The following NR2F6 variants were observed in gnomAD, a reference collection of about 807,000 sequenced individuals.
The protein encoded by NR2F6 is nuclear receptor subfamily 2 group F member 6.
Under a neutral mutation model 26.5 loss-of-function variants are expected in NR2F6, and 16 were observed. That is an observed-to-expected ratio of 0.60 (90% CI 0.41 to 0.92). The LOEUF (loss-of-function observed/expected upper bound fraction) is 0.92. NR2F6 is among the 40% of genes least tolerant of loss of function. The probability of loss-of-function intolerance (pLI) is 0.00; values close to 1 mark genes in which losing one functional copy is unlikely to be tolerated. For synonymous variants in NR2F6, 325 were observed against 305.0 expected (o/e 1.07, Z -0.68); for missense variants, 536 against 631.7 (o/e 0.85, Z 1.62).
chr19:17,233,311 C>CAAACAAAACA lies in NR2F6; in HGVS notation c.941-695_941-686dup, dbSNP rs143909942. Reference sequence around the variant, plus strand: ...GCGACAGAGTAATAAGACCCTGTCTCAAACAAAACAAAACAAAACAAAACA... The same window carrying CAAACAAAACA: ...GCGACAGAGTAATAAGACCCTGTCTCAAACAAAACAAAACAAAACAAAACAAAACAAAACA... On this transcript the variant is annotated intron_variant, in intron 3 of 3. Coordinates refer to ENST00000291442, the MANE Select transcript of NR2F6 (RefSeq NM_005234.4). Among the ~76,000 whole-genome samples, 1,211 of 145,182 alleles carry CAAACAAAACA rather than the reference C, an allele frequency of 8.3e-3. 7 individuals carry two copies. The highest frequency in any genetic ancestry group is 0.016 in the African/African-American group (618 of 39,480).
Position 17,232,382 on chromosome 19 carries a change from G to A in NR2F6, c.1185C>T (p.Thr395=). ...LIRDMLLSGS[T]FNWPYGSGQ ...GGCCCGAGCCGTAGGGCCAGTTGAA[G>A]GTACTCCCCGACAGCAGCATGTCTC... The change falls in exon 4 of 4, where the codon ACC becomes ACT. Residue 395 remains threonine (T), a synonymous_variant. Transcript: ENST00000291442. The A allele has an allele frequency of 6.2e-7, 1 of 1,614,050 alleles. No homozygotes were observed. Among genetic ancestry groups the A allele is most frequent in the East Asian group, 2.2e-5 (1 of 44,880 alleles).
At position 17,231,970 on chromosome 19, in the gene NR2F6, A is replaced by G. The variant is rs1483743364; in HGVS notation, c.*382T>C. 1 of 252,990 alleles carries G rather than the reference A, an allele frequency of 4.0e-6. No individual in the cohort carries two copies. Among genetic ancestry groups the G allele is most frequent in the Admixed American group, 5.1e-5 (1 of 19,698 alleles). 15.7% of individuals were successfully genotyped at this position (252,990 alleles called of 1,614,324 possible). On this transcript the variant is annotated 3_prime_UTR_variant, in exon 4 of 4. Coordinates refer to ENST00000291442, the MANE Select transcript of NR2F6 (RefSeq NM_005234.4). ...TACGTGTCCAGAGGATCTGCCTGGC[A>G]CACGCTAGCTACCCCTGCCCACTGG...
rs1383431528 is a variant in NR2F6 at position 17,235,916 on chromosome 19, G to A, written c.523C>T (p.Arg175Cys). Residue 175 changes from arginine to cysteine, a missense_variant, in exon 3 of 4, where the codon CGC becomes TGC. Transcript: ENST00000291442. This position sits in a 1 kb window ranked among gnomAD's most constrained non-coding sequence, Gnocchi z 5.0. ...PVSELIAQLL[R>C]AEPYPAAAGR... ...GCCGCCGCAGGGTAGGGCTCAGCGCGCAGCAGCTGCGCGATCAGTTCGGAC... is the reference window on the plus strand; with the variant it reads ...GCCGCCGCAGGGTAGGGCTCAGCGCACAGCAGCTGCGCGATCAGTTCGGAC... 2.7e-6 allele frequency: 4 copies of A among 1,478,454 alleles called. No homozygotes were observed. The highest frequency in any genetic ancestry group is 2.3e-5 in the Admixed American group (1 of 43,572). The allele number at this position is 1,478,454 out of a possible 1,614,324, so 91.6% of individuals were successfully genotyped here.
At chr19:17,233,928 G>T (rs2073421745) in intron 3 of NR2F6, among the ~76,000 whole-genome samples, 1 of 152,004 alleles carries the variant, frequency 6.6e-6, no homozygotes, top group Admixed American at 6.6e-5. Context: ...AGGAAGCCAA[G>T]AAGAAATCTG....
At position 17,245,325 on chromosome 19, in the gene NR2F6, G is replaced by A. The variant is rs2073492663; in HGVS notation, c.-105C>T. On this transcript the variant is annotated 5_prime_UTR_variant, in exon 1 of 4. Transcript: ENST00000291442. The surrounding 1 kb of genome is among the most constrained non-coding windows in gnomAD (Gnocchi z 5.0). ...CGGCGCGCATTCGGCCCCGGCGCGC[G>A]GGGGGCACGGGCTGCACCCCCCAAA... 6 of 996,966 alleles carry A rather than the reference G, an allele frequency of 6.0e-6. No homozygotes were observed. Among genetic ancestry groups the A allele is most frequent in the African/African-American group, 1.7e-5 (1 of 58,444 alleles). The allele number at this position is 996,966 out of a possible 1,614,324, so 61.8% of individuals were successfully genotyped here.
Position 17,235,758 on chromosome 19 carries a change from C to G in NR2F6, c.681G>C (p.Pro227=). The G allele has an allele frequency of 6.7e-7, 1 of 1,499,886 alleles. No homozygotes were observed. The highest frequency in any genetic ancestry group is 8.8e-7 in the Non-Finnish European group (1 of 1,133,098). The allele number at this position is 1,499,886 out of a possible 1,614,324, so 92.9% of individuals were successfully genotyped here. ...ARHAPFFPEL[P]VADQVALLRL... is the part of the protein sequence containing the mutation. ...GCAGCAGCGCCACCTGGTCGGCCAC[C>G]GGCAGCTCGGGGAAGAAGGGCGCGT... Residue 227 remains proline (P), a synonymous_variant, in exon 3 of 4, where the codon CCG becomes CCC. Coordinates refer to ENST00000291442, the MANE Select transcript of NR2F6 (RefSeq NM_005234.4). The surrounding 1 kb of genome is among the most constrained non-coding windows in gnomAD (Gnocchi z 5.0).
At chr19:17,244,714 A>C (rs2145570291) in intron 1 of NR2F6, among the ~76,000 whole-genome samples, 1 of 152,278 alleles carries the variant, frequency 6.6e-6, no homozygotes, top group Middle Eastern at 3.4e-3. Flanking sequence ...ACTGGGGCAA[A>C]AGCCTCCAGG....
rs1386876631 is a variant in NR2F6 at position 17,232,444 on chromosome 19, G to A, written c.1123C>T (p.Arg375Cys). The change falls in exon 4 of 4, where the codon CGC (arginine) becomes TGC (cysteine). Residue 375 changes from arginine (R) to cysteine (C), a missense_variant. By Grantham distance (180) the Arg-to-Cys change is radical. Coordinates refer to ENST00000291442, the MANE Select transcript of NR2F6 (RefSeq NM_005234.4). Reference protein sequence around the residue: ...ASLISQLFFMRLVGKTPIETL... With the variant: ...ASLISQLFFMCLVGKTPIETL... ...TCAATGGGCGTCTTCCCCACCAGGC[G>A]CATGAAGAACAGCTGGGAGATGAGG... The A allele has an allele frequency of 1.2e-6, 2 of 1,613,976 alleles. No individual in the cohort carries two copies. The highest frequency in any genetic ancestry group is 1.3e-5 in the African/African-American group (1 of 74,956).
rs1306309000 is a variant in NR2F6 at position 17,235,915 on chromosome 19, C to T, written c.524G>A (p.Arg175His). Residue 175 changes from arginine to histidine, a missense_variant, in exon 3 of 4, where the codon CGC becomes CAC. By Grantham distance (29) the Arg-to-His change is conservative (BLOSUM62 0). Coordinates refer to ENST00000291442, the MANE Select transcript of NR2F6 (RefSeq NM_005234.4). This position sits in a 1 kb window ranked among gnomAD's most constrained non-coding sequence, Gnocchi z 5.0. ...GGCCGCCGCAGGGTAGGGCTCAGCG[C>T]GCAGCAGCTGCGCGATCAGTTCGGA... ...PVSELIAQLL[R>H]AEPYPAAAGR... 2 of 1,478,458 alleles carry T rather than the reference C, an allele frequency of 1.4e-6. No individual in the cohort carries two copies. Among genetic ancestry groups the T allele is most frequent in the East Asian group, 2.9e-5 (1 of 34,384 alleles). The allele number at this position is 1,478,458 out of a possible 1,614,324, so 91.6% of individuals were successfully genotyped here.
At chr19:17,233,957 G>C (rs1359602020) in intron 3 of NR2F6, among the ~76,000 whole-genome samples, 1 of 152,022 alleles carries the variant, frequency 6.6e-6, no homozygotes, top group Non-Finnish European at 1.5e-5. Flanking sequence ...AGGCGCGGTG[G>C]CTCACGCCTG....
rs2073428752 is a variant in NR2F6 at position 17,235,175 on chromosome 19, A to AG, written c.940+323dup. ...ACTAAGCCTGAAGAGCCCTTTGGTG[A>AG]GGGAGTAGGGGTCTCAGGGAGCCTG... On this transcript the variant is annotated intron_variant, in intron 3 of 3. Transcript: ENST00000291442. The surrounding 1 kb of genome is among the most constrained non-coding windows in gnomAD (Gnocchi z 5.0). Among the ~76,000 whole-genome samples, 1 of 152,166 alleles carries AG rather than the reference A, an allele frequency of 6.6e-6. No homozygotes were observed. The highest frequency in any genetic ancestry group is 1.5e-5 in the Non-Finnish European group (1 of 68,018).
chr19:17,232,548 C>T lies in NR2F6; in HGVS notation c.1019G>A (p.Arg340Gln), dbSNP rs529963686. 12 of 1,601,574 alleles carry T rather than the reference C, an allele frequency of 7.5e-6. No homozygotes were observed. The highest frequency in any genetic ancestry group is 1.7e-4 in the Middle Eastern group (1 of 5,992). The change falls in exon 4 of 4, where the codon CGG (arginine) becomes CAG (glutamine). Residue 340 changes from arginine (R) to glutamine (Q), a missense_variant. By Grantham distance (43) the Arg-to-Gln change is conservative. Transcript: ENST00000291442. Reference protein sequence around the residue: ...KAQVALTEYVRAQYPSQPQRF... With the variant: ...KAQVALTEYVQAQYPSQPQRF... ...CTGGGGCTGGGACGGGTACTGCGCC[C>T]GCACATACTCGGTGAGGGCCACCTG...
Position 17,235,113 on chromosome 19 carries a change from C to T in NR2F6, c.940+386G>A, listed in dbSNP as rs533021456. On this transcript the variant is annotated intron_variant, in intron 3 of 3. Transcript: ENST00000291442. The surrounding 1 kb of genome is among the most constrained non-coding windows in gnomAD (Gnocchi z 5.0). ...CCAGAACCAGGGGGTCAGGACCTTC[C>T]CTCCCACGTCCCCCCAACCTTGTGC... Among the ~76,000 whole-genome samples, 1 of 152,178 alleles carries T rather than the reference C, an allele frequency of 6.6e-6. No individual in the cohort carries two copies. The highest frequency in any genetic ancestry group is 2.4e-5 in the African/African-American group (1 of 41,442).
Position 17,235,996 on chromosome 19 carries a change from C to G in NR2F6, c.443G>C (p.Gly148Ala), listed in dbSNP as rs1399134499. The change falls in exon 3 of 4, where the codon GGC (glycine) becomes GCC (alanine). Residue 148 changes from glycine (G) to alanine (A), a missense_variant. By Grantham distance (60) the Gly-to-Ala change is moderately conservative. Coordinates refer to ENST00000291442, the MANE Select transcript of NR2F6 (RefSeq NM_005234.4). The surrounding 1 kb of genome is among the most constrained non-coding windows in gnomAD (Gnocchi z 5.0). ...AVAASSGSPP[G>A]SALAAVASGG... ...GCTCGCCACTGCCGCCAGCGCCGAGCCCGGGGGGCTGCCCGAGGAGGCGGC... is the reference window on the plus strand; with the variant it reads ...GCTCGCCACTGCCGCCAGCGCCGAGGCCGGGGGGCTGCCCGAGGAGGCGGC... 8.5e-5 allele frequency: 122 copies of G among 1,436,986 alleles called. No homozygotes were observed. The highest frequency in any genetic ancestry group is 1.1e-4 in the Non-Finnish European group (120 of 1,099,808). 89.0% of individuals were successfully genotyped at this position (1,436,986 alleles called of 1,614,324 possible).
rs551560632 is a variant in NR2F6 at position 17,237,628 on chromosome 19, T to C, written c.374-1563A>G. Among the ~76,000 whole-genome samples the C allele has an allele frequency of 2.6e-5, 4 of 152,196 alleles. No homozygotes were observed. In the South Asian group the frequency reaches 8.3e-4, roughly 32 times the overall value. On this transcript the variant is annotated intron_variant, in intron 2 of 3. Coordinates refer to ENST00000291442, the MANE Select transcript of NR2F6 (RefSeq NM_005234.4). ...GGTTTCACCATGTTGGCCAGGATGG[T>C]CTCAATCTCCTGACCTCGTGATCTG... is the stretch of plus-strand genomic sequence containing the variant.
chr19:17,240,176 G>A (rs987402378), intron 2 of NR2F6, among the ~76,000 whole-genome samples: 3 of 152,226 alleles, frequency 2.0e-5, no homozygotes, highest in South Asian at 2.1e-4. Flanking sequence ...TGCCTTAATC[G>A]GGCAGAGTTC....
In NR2F6 at chr19:17,239,483, C is replaced by T. The variant is rs142145882; in HGVS notation, c.373+1188G>A. Among the ~76,000 whole-genome samples the T allele has an allele frequency of 4.3e-3, 651 of 152,008 alleles. 6 individuals are homozygous for T. Among genetic ancestry groups the T allele is most frequent in the African/African-American group, 0.014 (581 of 41,438 alleles). On this transcript the variant is annotated intron_variant, in intron 2 of 3. Coordinates refer to ENST00000291442, the MANE Select transcript of NR2F6 (RefSeq NM_005234.4). ...CATCCTGGCTAACATGGTGAAACCC[C>T]GTCTCTACTAAAAATACAAAAATAT...
intron 2 of NR2F6, among the ~76,000 whole-genome samples, chr19:17,236,306 TG>T (rs756307982): frequency 0.35 from 10,686 of 30,182 alleles, 588 homozygotes; most frequent in African/African-American, 0.44. Context: ...GGGGGGCAGG[TG>T]GGGGGGGGCA....
At chr19:17,236,257 G>T (rs1157475704) in intron 2 of NR2F6, among the ~76,000 whole-genome samples, 192 bp from the exon 3 acceptor site, 1 of 139,266 alleles carries the variant, frequency 7.2e-6, no homozygotes, top group East Asian at 2.4e-4. Flanking sequence ...GGAAGAGGGG[G>T]GATGAGGGGC....
Sources: allele counts gnomAD v4.1 joint callset (sites outside exome capture counted in the v4.1 genomes callset), GRCh38; gene constraint gnomAD v4.1.1; non-coding constraint Gnocchi (gnomAD v3.1); transcripts MANE v1.5; gene names NCBI Gene and HGNC (gene_info 2026-07-23, HGNC 2026-07-21).